Variants in THBS1 observed in about 807,000 individuals in gnomAD.
The protein encoded by THBS1 is thrombospondin-1.
THBS1 carries 29 observed loss-of-function variants against 126.1 expected under a neutral mutation model. That is an observed-to-expected ratio of 0.23 (90% confidence interval 0.17 to 0.31). The LOEUF (loss-of-function observed/expected upper bound fraction) is 0.31. THBS1 is among the 10% of genes least tolerant of loss of function. THBS1 has a pLI of 1.00. For synonymous variants in THBS1, 496 were observed against 577.8 expected (o/e 0.86, Z 2.03); for missense variants, 1,198 against 1,545.2 (o/e 0.78, Z 3.77).
chr15:39,596,099 A>G lies in THBS1; in HGVS notation c.*730A>G, dbSNP rs553314831. On this transcript the variant is annotated 3_prime_UTR_variant, in exon 22 of 22. Coordinates refer to ENST00000260356, the MANE Select transcript of THBS1 (RefSeq NM_003246.4). Reference sequence around the variant, plus strand: ...TAGGGAATCAGAATCAAACCAGTGTAAGGCAGTGCTGGCTGCCATTGCCTG... The same window carrying G: ...TAGGGAATCAGAATCAAACCAGTGTGAGGCAGTGCTGGCTGCCATTGCCTG... The G allele has an allele frequency of 6.8e-4, 226 of 331,470 alleles. No homozygotes were observed. Among genetic ancestry groups the G allele is most frequent in the African/African-American group, 4.4e-3 (206 of 46,554 alleles). 20.5% of individuals were successfully genotyped at this position (331,470 alleles called of 1,614,324 possible).
chr15:39,588,930 C>G (rs1448530676), intron 10 of THBS1, 29 bp from the exon 11 acceptor site: 2 of 1,614,070 alleles, frequency 1.2e-6, no homozygotes, highest in Non-Finnish European at 1.7e-6. Flanking sequence ...CAACCATTTA[C>G]TGTGACTGTC....
chr15:39,587,572 C>T (rs777268948), intron 8 of THBS1, 52 bp downstream of exon 8: 39 of 1,536,186 alleles, frequency 2.5e-5, no homozygotes, highest in Admixed American at 3.8e-5. Flanking sequence ...TCCTTGTTGT[C>T]GTCACCAAGG....
At chr15:39,584,927 A>T (rs896048910) in intron 6 of THBS1, among the ~76,000 whole-genome samples, 1 of 152,226 alleles carries the variant, frequency 6.6e-6, no homozygotes, top group Non-Finnish European at 1.5e-5. Context: ...GTGAGTTTGG[A>T]GGTTCACCTG....
Position 39,593,231 on chromosome 15 carries a change from A to T in THBS1, c.2995+4A>T, listed in dbSNP as rs201310923. 1,895 of 1,613,718 alleles carry T rather than the reference A, an allele frequency of 1.2e-3. 2 individuals are homozygous for T. Among genetic ancestry groups the T allele is most frequent in the Non-Finnish European group, 1.3e-3 (1,534 of 1,179,596 alleles). ...TGTGATCCTGGACTCGCTGTAGGTG[A>T]GTAGCGAGTTCTTAGATCCTAAGAG... On this transcript the variant is annotated splice_donor_region_variant and intron_variant, in intron 18 of 21. Transcript: ENST00000260356. The surrounding 1 kb of genome is among the most constrained non-coding windows in gnomAD (Gnocchi z 5.9).
chr15:39,594,568 G>T lies in THBS1; in HGVS notation c.3505+128G>T. The T allele has an allele frequency of 7.7e-7, 1 of 1,305,346 alleles. No homozygotes were observed. The highest frequency in any genetic ancestry group is 1.0e-6 in the Non-Finnish European group (1 of 959,106). 80.9% of individuals were successfully genotyped at this position (1,305,346 alleles called of 1,614,324 possible). Reference sequence around the variant, plus strand: ...ACAGGGTTATTTCTATTTTGCTTTTGAGGACACAAGGACAAAAATGGAATA... The same window carrying T: ...ACAGGGTTATTTCTATTTTGCTTTTTAGGACACAAGGACAAAAATGGAATA... On this transcript the variant is annotated intron_variant, in intron 21 of 21. Coordinates refer to ENST00000260356, the MANE Select transcript of THBS1 (RefSeq NM_003246.4). The surrounding 1 kb of genome is among the most constrained non-coding windows in gnomAD (Gnocchi z 4.4).
intron 8 of THBS1, 134 bp downstream of exon 8, chr15:39,587,654 T>C (rs1890234644): frequency 2.1e-6 from 2 of 957,906 alleles, no homozygotes; most frequent in East Asian, 5.3e-5. Context: ...TGCTTAGCTG[T>C]GCACCCTTGA....
At position 39,597,275 on chromosome 15, in the gene THBS1, G is replaced by GTTTTGTTTTTTTTTTTTTTTTTTTTTTTT. The variant is rs1890475606; in HGVS notation, c.*1932_*1933insTTTTTTTGTTTTTTTTTTTTTTTTTTTTT. The GTTTTGTTTTTTTTTTTTTTTTTTTTTTTT allele has an allele frequency of 7.6e-5, 4 of 52,594 alleles. No homozygotes were observed. Among genetic ancestry groups the GTTTTGTTTTTTTTTTTTTTTTTTTTTTTT allele is most frequent in the Non-Finnish European group, 8.1e-5 (2 of 24,780 alleles). The allele number at this position is 52,594 out of a possible 1,614,324, so 3.3% of individuals were successfully genotyped here. A position where few individuals can be genotyped will look rare whatever the true frequency, so the allele number is the denominator to read the frequency against. On this transcript the variant is annotated 3_prime_UTR_variant, in exon 22 of 22. Coordinates refer to ENST00000260356, the MANE Select transcript of THBS1 (RefSeq NM_003246.4). ...GAATTGTTGGTTTTTTCTTTTTTTTGTTTTGTTTTTTTTTTTTTTTTTTTT... is the reference window on the plus strand; with the variant it reads ...GAATTGTTGGTTTTTTCTTTTTTTTGTTTTGTTTTTTTTTTTTTTTTTTTTTTTTTTTTGTTTTTTTTTTTTTTTTTTTT...
At chr15:39,588,303 TG>T (rs1171701426) in intron 9 of THBS1, 85 bp downstream of exon 9, 12 of 1,497,972 alleles carry the variant, frequency 8.0e-6, no homozygotes, top group Non-Finnish European at 1.1e-5. Flanking sequence ...TGCAGTTCAG[TG>T]GGTCATAGAG....
intron 8 of THBS1, 72 bp downstream of exon 8, chr15:39,587,592 C>T (rs879692796): frequency 6.9e-7 from 1 of 1,449,098 alleles, no homozygotes; most frequent in African/African-American, 1.4e-5. Flanking sequence ...GGCAGCTCCA[C>T]AGCATGTATA....
At chr15:39,591,761 A>G in intron 16 of THBS1, 138 bp downstream of exon 16, 1 of 773,072 alleles carries the variant, frequency 1.3e-6, no homozygotes, top group Non-Finnish European at 2.2e-6. Flanking sequence ...CAACTGGAAT[A>G]CGTTCATGTA....
intron 10 of THBS1, 99 bp downstream of exon 10, chr15:39,588,798 A>G (rs943424940): frequency 8.3e-6 from 13 of 1,567,038 alleles, no homozygotes; most frequent in Admixed American, 3.4e-5. Context: ...GTTAGTCCTG[A>G]GCGATTTGAT....
chr15:39,594,552 T>C lies in THBS1; in HGVS notation c.3505+112T>C. The C allele has an allele frequency of 6.9e-7, 1 of 1,455,018 alleles. No individual in the cohort carries two copies. 90.1% of individuals were successfully genotyped at this position (1,455,018 alleles called of 1,614,324 possible). On this transcript the variant is annotated intron_variant, in intron 21 of 21. Transcript: ENST00000260356. The surrounding 1 kb of genome is among the most constrained non-coding windows in gnomAD (Gnocchi z 4.4). ...AAAGACTGTTTTGGAGACAGGGTTA[T>C]TTCTATTTTGCTTTTGAGGACACAA...
intron 13 of THBS1, 69 bp from the exon 14 acceptor site, chr15:39,590,447 A>C (rs1566841146): frequency 2.5e-6 from 3 of 1,213,790 alleles, no homozygotes; most frequent in Admixed American, 2.4e-5. Context: ...TTCCAGGTAC[A>C]CTCCCTCGTG....
At position 39,594,382 on chromosome 15, in the gene THBS1, G is replaced by T; in HGVS notation, c.3447G>T (p.Gly1149=). 1 of 1,614,236 alleles carries T rather than the reference G, an allele frequency of 6.2e-7. No individual in the cohort carries two copies. The highest frequency in any genetic ancestry group is 8.5e-7 in the Non-Finnish European group (1 of 1,180,050). Residue 1149 remains glycine, a synonymous_variant, in exon 21 of 22, where the codon GGG becomes GGT. Transcript: ENST00000260356. This position sits in a 1 kb window ranked among gnomAD's most constrained non-coding sequence, Gnocchi z 4.4. ...YDKTYAGGRL[G]LFVFSQEMVF... is the part of the protein sequence containing the mutation. ...AAACCTATGCTGGTGGTAGACTAGGGTTGTTTGTCTTCTCTCAAGAAATGG... is the reference window on the plus strand; with the variant it reads ...AAACCTATGCTGGTGGTAGACTAGGTTTGTTTGTCTTCTCTCAAGAAATGG...
In THBS1 at chr15:39,594,144, T is replaced by G. The variant is rs770772138; in HGVS notation, c.3313T>G (p.Phe1105Val). ...CCCTCGTCACATAGGCTGGAAAGAT[T>G]TCACCGCCTACAGATGGCGTCTCAG... ...HDPRHIGWKD[F>V]TAYRWRLSHR... The change falls in exon 20 of 22, where the codon TTC becomes GTC. Residue 1105 changes from phenylalanine (F) to valine (V), a missense_variant. This residue lies in a region of THBS1 where 255 missense variants were observed against 373.9 expected (regional missense o/e 0.68). Coordinates refer to ENST00000260356, the MANE Select transcript of THBS1 (RefSeq NM_003246.4). The surrounding 1 kb of genome is among the most constrained non-coding windows in gnomAD (Gnocchi z 4.4). 6.2e-7 allele frequency: 1 copy of G among 1,614,186 alleles called. No homozygotes were observed. The highest frequency in any genetic ancestry group is 1.1e-5 in the South Asian group (1 of 91,066).
chr15:39,582,510 G>C lies in THBS1; in HGVS notation c.385G>C (p.Asp129His), dbSNP rs1296446886. Residue 129 changes from aspartate to histidine, a missense_variant, in exon 3 of 22, where the codon GAC (aspartate) becomes CAC (histidine). Asp to His is a moderately conservative substitution (Grantham distance 81). Transcript: ENST00000260356. Reference protein sequence around the residue: ...VVSNGKAGTLDLSLTVQGKQH... With the variant: ...VVSNGKAGTLHLSLTVQGKQH... ...GTCCAATGGCAAGGCGGGCACCCTG[G>C]ACCTCAGCCTGACCGTCCAAGGAAA... 4 of 1,614,038 alleles carry C rather than the reference G, an allele frequency of 2.5e-6. No homozygotes were observed. The highest frequency in any genetic ancestry group is 1.3e-5 in the African/African-American group (1 of 74,940).
Position 39,584,043 on chromosome 15 carries a change from C to T in THBS1, c.759C>T (p.Ala253=), listed in dbSNP as rs780761458. 4 of 1,614,098 alleles carry T rather than the reference C, an allele frequency of 2.5e-6. No homozygotes were observed. The highest frequency in any genetic ancestry group is 3.3e-5 in the Admixed American group (2 of 60,004). Residue 253 remains alanine, a synonymous_variant, in exon 5 of 22, where the codon GCC becomes GCT. Coordinates refer to ENST00000260356, the MANE Select transcript of THBS1 (RefSeq NM_003246.4). ...ACGTGGTGAATGGTTCCAGCCCTGC[C>T]ATCCGCACTAACTACATTGGCCACA... ...DNNVVNGSSP[A]IRTNYIGHKT...
chr15:39,587,905 G>A, intron 8 of THBS1, 137 bp from the exon 9 acceptor site: 1 of 815,168 alleles, frequency 1.2e-6, no homozygotes, highest in Non-Finnish European at 1.9e-6. Flanking sequence ...ATGTGGCCAG[G>A]AGCCAATTTC....
At position 39,582,307 on chromosome 15, in the gene THBS1, T is replaced by C; in HGVS notation, c.182T>C (p.Ile61Thr). 1 of 1,614,202 alleles carries C rather than the reference T, an allele frequency of 6.2e-7. No individual in the cohort carries two copies. The highest frequency in any genetic ancestry group is 8.5e-7 in the Non-Finnish European group (1 of 1,180,028). ...GPDPSSPAFR[I>T]EDANLIPPVP... ...GACCCTTCCAGCCCAGCTTTCCGCATCGAGGATGCCAACCTGATCCCCCCT... is the reference window on the plus strand; with the variant it reads ...GACCCTTCCAGCCCAGCTTTCCGCACCGAGGATGCCAACCTGATCCCCCCT... The change falls in exon 3 of 22, where the codon ATC becomes ACC. Residue 61 changes from isoleucine to threonine, a missense_variant. By Grantham distance (89) the Ile-to-Thr change is moderately conservative. Transcript: ENST00000260356.
Sources: gnomAD v4.1 joint callset for allele counts (sites outside exome capture counted in the v4.1 genomes callset) on GRCh38, gnomAD v4.1.1 for gene constraint, gnomAD v4.1.1 regional missense constraint, Gnocchi (gnomAD v3.1) non-coding constraint, MANE v1.5 for transcripts, NCBI Gene and HGNC (gene_info 2026-07-23, HGNC 2026-07-21) for gene names.